Variants in ASB15 observed in about 807,000 individuals in gnomAD.
The protein encoded by ASB15 is ankyrin repeat and SOCS box containing 15, also known as ankyrin repeat and SOCS box protein 15.
Under a neutral mutation model 58.0 loss-of-function variants are expected in ASB15, and 54 were observed. That is an observed-to-expected ratio of 0.93 (90% CI 0.75 to 1.17). The LOEUF (loss-of-function observed/expected upper bound fraction) is 1.17, where lower values mean the gene tolerates loss of function less well. ASB15 is among the 50% of genes most tolerant of loss of function. The pLI, the probability that ASB15 is intolerant of heterozygous loss-of-function variation, is 0.00. For missense variants in ASB15, 680 were observed against 707.4 expected, an observed-to-expected ratio of 0.96 and a Z score of 0.44; for synonymous variants, 249 against 262.4, an observed-to-expected ratio of 0.95 and a Z score of 0.50.
chr7:123,575,475 C>G (rs1333190678), intron 1 of ASB15, among the ~76,000 whole-genome samples: 1 of 152,024 alleles, frequency 6.6e-6, no homozygotes, highest in African/African-American at 2.4e-5. Flanking sequence ...AAGAAAACAA[C>G]TTTAATTGTA....
chr7:123,604,580 TAA>T (rs36085557), intron 2 of ASB15, among the ~76,000 whole-genome samples: 5 of 139,858 alleles, frequency 3.6e-5, no homozygotes, highest in Non-Finnish European at 3.1e-5. Flanking sequence ...AGACTCTGTC[TAA>T]AAAAAAAAAA....
intron 1 of ASB15, among the ~76,000 whole-genome samples, chr7:123,572,024 G>A (rs956295115): frequency 1.4e-4 from 21 of 151,514 alleles, no homozygotes; most frequent in African/African-American, 4.6e-4. Flanking sequence ...CTGGGCTCAA[G>A]CAATCCTCCT....
chr7:123,636,492 T>C (rs1483553808), intron 11 of ASB15, among the ~76,000 whole-genome samples: 1 of 152,104 alleles, frequency 6.6e-6, no homozygotes, highest in South Asian at 2.1e-4. Flanking sequence ...CTCTAAAAAA[T>C]AAAGAAGAGA....
intron 1 of ASB15, among the ~76,000 whole-genome samples, chr7:123,567,548 G>A (rs2116249797): frequency 6.6e-6 from 1 of 152,326 alleles, no homozygotes; most frequent in South Asian, 2.1e-4. Context: ...GTGAGGGACT[G>A]GGTCCTACCA....
At chr7:123,626,958 G>C in intron 8 of ASB15, 152 bp from the exon 9 acceptor site, 2 of 677,168 alleles carry the variant, frequency 3.0e-6, no homozygotes, top group Non-Finnish European at 4.8e-6. Context: ...GGCTGATCTC[G>C]AACTCCTGAC....
In ASB15 at chr7:123,636,969, AAAATTGACATAACTT is replaced by A. The variant is rs775821911; in HGVS notation, c.1758_*5del. On this transcript the variant is annotated stop_lost and 3_prime_UTR_variant, in exon 12 of 12. Coordinates refer to ENST00000451215, the MANE Select transcript of ASB15 (RefSeq NM_001290258.2). ...AGTATGATCTCTATGGACAAGAGCT[AAAATTGACATAACTT>A]AATATTTTAAAATGTGATTTAAAAA... The A allele has an allele frequency of 3.9e-6, 6 of 1,523,010 alleles. No homozygotes were observed. The highest frequency in any genetic ancestry group is 5.4e-6 in the Non-Finnish European group (6 of 1,112,288). 94.3% of individuals were successfully genotyped at this position (1,523,010 alleles called of 1,614,324 possible).
intron 1 of ASB15, among the ~76,000 whole-genome samples, chr7:123,579,135 C>T (rs1354617673): frequency 6.6e-6 from 1 of 151,950 alleles, no homozygotes; most frequent in Non-Finnish European, 1.5e-5. Flanking sequence ...TTGTTTAACT[C>T]CTACAAATAT....
chr7:123,590,359 C>T (rs58355131), intron 1 of ASB15, among the ~76,000 whole-genome samples: 44,740 of 152,054 alleles, frequency 0.29, 6,725 homozygotes, highest in East Asian at 0.4. Flanking sequence ...GCTTTTGTTG[C>T]CATTGCTTTT....
chr7:123,569,269 T>C (rs1798840111), intron 1 of ASB15, among the ~76,000 whole-genome samples: 1 of 152,196 alleles, frequency 6.6e-6, no homozygotes, highest in African/African-American at 2.4e-5. Flanking sequence ...GCTTTTCTTC[T>C]TTTAAATGTT....
At chr7:123,635,005 G>A (rs1802341083) in intron 11 of ASB15, among the ~76,000 whole-genome samples, 1 of 152,168 alleles carries the variant, frequency 6.6e-6, no homozygotes, top group Admixed American at 6.6e-5. Flanking sequence ...AAACTAAAGG[G>A]CATTTGGGTT....
chr7:123,610,724 G>T (rs1436240795), intron 3 of ASB15, among the ~76,000 whole-genome samples: 1 of 152,122 alleles, frequency 6.6e-6, no homozygotes, highest in African/African-American at 2.4e-5. Context: ...AAATGAAGAG[G>T]CTGATTGTAC....
At chr7:123,630,192 T>C (rs1802049170) in intron 11 of ASB15, 73 bp downstream of exon 11, 2 of 1,192,494 alleles carry the variant, frequency 1.7e-6, no homozygotes, top group East Asian at 5.0e-5. Context: ...AATGTCTTCT[T>C]TGATACTTTT....
chr7:123,597,917 C>CGTGTGTGTGTGTAT (rs780183019), upstream of ASB15, among the ~76,000 whole-genome samples: 5,869 of 133,012 alleles, frequency 0.044, 161 homozygotes, highest in Non-Finnish European at 0.065. Context: ...TTTCAAACTT[C>CGTGTGTGTGTGTAT]GTGTGTGTGT....
At chr7:123,609,098 G>A (rs550992660) in intron 3 of ASB15, 4 of 152,068 alleles carry the variant, frequency 2.6e-5, no homozygotes. Context: ...CAGCTTCAAG[G>A]TAAAAGAAAA....
chr7:123,623,915 GA>G (rs1801522286), intron 7 of ASB15, among the ~76,000 whole-genome samples: 1 of 91,080 alleles, frequency 1.1e-5, no homozygotes, highest in Non-Finnish European at 2.2e-5. Context: ...AGGAAGGAAG[GA>G]AGGAAGAAAG....
chr7:123,573,155 A>G (rs1476100578), intron 1 of ASB15, among the ~76,000 whole-genome samples: 2 of 152,014 alleles, frequency 1.3e-5, no homozygotes, highest in Non-Finnish European at 2.9e-5. Context: ...TAATTCCATC[A>G]TTTATGTAAA....
intron 1 of ASB15, among the ~76,000 whole-genome samples, chr7:123,574,999 T>G (rs958533339): frequency 6.6e-6 from 1 of 151,550 alleles, no homozygotes; most frequent in African/African-American, 2.4e-5. Flanking sequence ...TAAGTTACAT[T>G]GATCCTTTTC....
chr7:123,606,939 T>C (rs1386960811), intron 2 of ASB15, among the ~76,000 whole-genome samples: 1 of 152,228 alleles, frequency 6.6e-6, no homozygotes. Context: ...TCTGAGATAG[T>C]GATTTCAATT....
chr7:123,628,248 T>C (rs1474815533), intron 9 of ASB15, among the ~76,000 whole-genome samples: 2 of 152,214 alleles, frequency 1.3e-5, no homozygotes, highest in Admixed American at 1.3e-4. Flanking sequence ...GACAGAGTGT[T>C]CATGGTCAAT....
Sources: gnomAD v4.1 joint callset for allele counts (sites outside exome capture counted in the v4.1 genomes callset) on GRCh38, gnomAD v4.1.1 for gene constraint, MANE v1.5 for transcripts, NCBI Gene and HGNC (gene_info 2026-07-23, HGNC 2026-07-21) for gene names.